The following TLK2 variants were observed in gnomAD, a reference collection of about 807,000 sequenced individuals.
TLK2 encodes the protein serine/threonine-protein kinase tousled-like 2.
A neutral mutation model predicts 117.3 loss-of-function variants in TLK2; 6 were observed. The ratio of observed to expected loss-of-function variants is 0.05; its 90% CI spans 0.03 to 0.10. The LOEUF (loss-of-function observed/expected upper bound fraction) is 0.10, where lower values mean the gene tolerates loss of function less well. Among genes scored for constraint, TLK2 ranks in the 10% least tolerant of loss-of-function variants. TLK2 has a pLI of 1.00. For missense variants in TLK2, 299 were observed against 901.2 expected, an observed-to-expected ratio of 0.33 and a Z score of 8.56; for synonymous variants, 257 against 316.7, an observed-to-expected ratio of 0.81 and a Z score of 2.00.
intron 7 of TLK2, among the ~76,000 whole-genome samples, chr17:62,536,692 A>G (rs1224609907): frequency 1.3e-5 from 2 of 152,086 alleles, no homozygotes; most frequent in East Asian, 1.9e-4. Flanking sequence ...AGTTCCAGCC[A>G]TCATCTATGT....
chr17:62,527,725 T>G (rs2076467000), intron 6 of TLK2, among the ~76,000 whole-genome samples: 1 of 152,066 alleles, frequency 6.6e-6, no homozygotes, highest in South Asian at 2.1e-4. Flanking sequence ...TATAATTAGT[T>G]AATTGCCCAT....
intron 2 of TLK2, among the ~76,000 whole-genome samples, chr17:62,495,160 C>T (rs528590915): frequency 1.8e-3 from 276 of 151,876 alleles, no homozygotes; most frequent in Admixed American, 2.8e-3. Flanking sequence ...GAGCAAGACC[C>T]TATCTCCAAA....
intron 7 of TLK2, chr17:62,551,939 G>A (rs534291156): frequency 3.0e-6 from 1 of 331,090 alleles, no homozygotes; most frequent in East Asian, 8.4e-5. Flanking sequence ...TGCATCCCCT[G>A]TGCATTGGAT....
At chr17:62,502,029 A>ATTTTT (rs371212708) in intron 2 of TLK2, among the ~76,000 whole-genome samples, 3 of 137,468 alleles carry the variant, frequency 2.2e-5, no homozygotes, top group African/African-American at 8.2e-5. Context: ...AAAAATACCA[A>ATTTTT]TTTTTTTTTT....
upstream of TLK2, among the ~76,000 whole-genome samples, chr17:62,474,628 T>A (rs2071003079): frequency 6.6e-6 from 1 of 151,006 alleles, no homozygotes; most frequent in Non-Finnish European, 1.5e-5. Flanking sequence ...CAGGATGGTC[T>A]CGATCTCCTG....
intron 2 of TLK2, among the ~76,000 whole-genome samples, chr17:62,490,962 C>T (rs2073052626): frequency 6.6e-6 from 1 of 152,176 alleles, no homozygotes; most frequent in Admixed American, 6.5e-5. Context: ...CCTCAAACTC[C>T]TGGGCTCAAG....
In TLK2 at chr17:62,552,328, G is replaced by A. The variant is rs746120932; in HGVS notation, c.558G>A (p.Thr186=). 4.1e-5 allele frequency: 66 copies of A among 1,613,084 alleles called. No homozygotes were observed. The highest frequency in any genetic ancestry group is 6.7e-5 in the African/African-American group (5 of 74,812). ...CTCAGCAAAACAGTCCCTCATCTACGGGATCTGGCAACACAGAGCATTCCT... is the reference window on the plus strand; with the variant it reads ...CTCAGCAAAACAGTCCCTCATCTACAGGATCTGGCAACACAGAGCATTCCT... ...VSAQQNSPSS[T]GSGNTEHSCS... Residue 186 remains threonine (T), a synonymous_variant, in exon 8 of 22, where the codon ACG becomes ACA. Coordinates refer to ENST00000346027, the MANE Select transcript of TLK2 (RefSeq NM_006852.6).
chr17:62,580,740 G>A (rs1220357334), intron 15 of TLK2, among the ~76,000 whole-genome samples: 1 of 152,116 alleles, frequency 6.6e-6, no homozygotes, highest in African/African-American at 2.4e-5. Flanking sequence ...GATTCAATAT[G>A]TTTTAAATAT....
Position 62,524,334 on chromosome 17 carries a change from A to C in TLK2, c.363+3A>C. ...ATTCCTTATCCAATCCCTTACCGGT[A>C]AGCATTCACCTGGAGAAATTTGACA... On this transcript the variant is annotated splice_donor_region_variant and intron_variant, in intron 6 of 21. Coordinates refer to ENST00000346027, the MANE Select transcript of TLK2 (RefSeq NM_006852.6). 1 of 1,610,088 alleles carries C rather than the reference A, an allele frequency of 6.2e-7. No homozygotes were observed. Among genetic ancestry groups the C allele is most frequent in the Non-Finnish European group, 8.5e-7 (1 of 1,177,764 alleles).
chr17:62,516,702 C>A (rs2075625368), intron 2 of TLK2: 5 of 1,605,248 alleles, frequency 3.1e-6, no homozygotes, highest in Non-Finnish European at 4.3e-6. Flanking sequence ...CCTTCTTGGC[C>A]ACCATGACTC....
At chr17:62,554,744 G>A (rs752971319) in intron 9 of TLK2, among the ~76,000 whole-genome samples, 3 of 151,994 alleles carry the variant, frequency 2.0e-5, no homozygotes, top group Non-Finnish European at 2.9e-5. Flanking sequence ...TGCCAGGCAT[G>A]GTGGTGTGTC....
At chr17:62,536,860 G>A (rs564398838) in intron 7 of TLK2, among the ~76,000 whole-genome samples, 9 of 152,130 alleles carry the variant, frequency 5.9e-5, no homozygotes, top group Non-Finnish European at 8.8e-5. Flanking sequence ...GGAATATTTG[G>A]CTACCTGTTC....
intron 2 of TLK2, among the ~76,000 whole-genome samples, chr17:62,492,470 T>A (rs2144722868): frequency 6.6e-6 from 1 of 151,948 alleles, no homozygotes; most frequent in Middle Eastern, 3.4e-3. Context: ...TTTTTTTTTG[T>A]TTTTTGAGAC....
In TLK2 at chr17:62,587,786, A is replaced by G. The variant is rs184797218; in HGVS notation, c.1460+1560A>G. On this transcript the variant is annotated intron_variant, in intron 16 of 21. Transcript: ENST00000346027. ...TATGTAGGGATGAGTGGCACACCGT[A>G]GTGAGTGCCAGGAGCACTTCAGAGA... Among the ~76,000 whole-genome samples, 59 of 151,980 alleles carry G rather than the reference A, an allele frequency of 3.9e-4. No individual in the cohort carries two copies. The East Asian group carries it at 0.011, about 29-fold the overall frequency.
intron 6 of TLK2, among the ~76,000 whole-genome samples, chr17:62,530,697 T>C (rs1411945466): frequency 2.6e-5 from 4 of 152,222 alleles, no homozygotes; most frequent in Non-Finnish European, 5.9e-5. Context: ...TTTACCTCTT[T>C]GTACTTCTTT....
intron 13 of TLK2, among the ~76,000 whole-genome samples, 191 bp downstream of exon 13, chr17:62,576,966 C>CTTTTTTTTTTTTTTTTTTTT (rs59523807): frequency 9.2e-4 from 107 of 115,916 alleles, no homozygotes; most frequent in East Asian, 1.9e-3. Context: ...CTTTCTTCTT[C>CTTTTTTTTTTTTTTTTTTTT]TTTTTTTTTT....
chr17:62,506,675 ATTTC>A (rs2074719926), intron 2 of TLK2, among the ~76,000 whole-genome samples: 1 of 151,812 alleles, frequency 6.6e-6, no homozygotes, highest in African/African-American at 2.4e-5. Flanking sequence ...TCATTTTTCT[ATTTC>A]TTTGTTTTCT....
chr17:62,488,821 T>G (rs1489440359), intron 2 of TLK2, among the ~76,000 whole-genome samples: 1 of 51,756 alleles, frequency 1.9e-5, no homozygotes, highest in East Asian at 3.2e-4. Flanking sequence ...GCCTTGAAGA[T>G]TTTTTTTTTT....
chr17:62,552,719 AG>A (rs2146211687), intron 8 of TLK2, among the ~76,000 whole-genome samples: 1 of 151,362 alleles, frequency 6.6e-6, no homozygotes, highest in African/African-American at 2.4e-5. Flanking sequence ...TACGCTTTGA[AG>A]GCCTCTAAGT....
Sources: gnomAD v4.1 joint callset for allele counts (sites outside exome capture counted in the v4.1 genomes callset) on GRCh38, gnomAD v4.1.1 for gene constraint, MANE v1.5 for transcripts, NCBI Gene and HGNC (gene_info 2026-07-23, HGNC 2026-07-21) for gene names.